The following VPS9D1 variants were observed in gnomAD, a reference collection of about 807,000 sequenced individuals.
VPS9D1 encodes VPS9 domain-containing protein 1.
VPS9D1 carries 78 observed loss-of-function variants against 75.8 expected under a neutral mutation model. That is an observed-to-expected ratio of 1.03 (90% CI 0.86 to 1.24). VPS9D1 has a LOEUF of 1.24. VPS9D1 is among the 50% of genes most tolerant of loss of function. The pLI is 0.00. For synonymous variants in VPS9D1, 481 were observed against 385.6 expected, an observed-to-expected ratio of 1.25 and a Z score of -2.90; for missense variants, 1,057 against 847.7, an observed-to-expected ratio of 1.25 and a Z score of -3.07.
intron 13 of VPS9D1, among the ~76,000 whole-genome samples, 153 bp downstream of exon 13, chr16:89,708,704 C>T (rs1483688572): frequency 6.6e-6 from 1 of 152,236 alleles, no homozygotes; most frequent in Non-Finnish European, 1.5e-5. Flanking sequence ...AGCTCCCGTA[C>T]TGCGGAGCCA....
chr16:89,708,407 C>G lies in VPS9D1; in HGVS notation c.1802+20G>C, dbSNP rs1355641440. 1 of 1,601,548 alleles carries G rather than the reference C, an allele frequency of 6.2e-7. No individual in the cohort carries two copies. The highest frequency in any genetic ancestry group is 1.1e-5 in the South Asian group (1 of 89,208). ...CTGCTCTTCGCACAGAGACCCCCACCCTGACCCGCCAGGGTCTACCCCTCG... is the reference window on the plus strand; with the variant it reads ...CTGCTCTTCGCACAGAGACCCCCACGCTGACCCGCCAGGGTCTACCCCTCG... On this transcript the variant is annotated intron_variant, in intron 14 of 14. Coordinates refer to ENST00000389386, the MANE Select transcript of VPS9D1 (RefSeq NM_004913.3).
At chr16:89,716,658 G>A in intron 3 of VPS9D1, 34 bp from the exon 4 acceptor site, 3 of 1,607,538 alleles carry the variant, frequency 1.9e-6, no homozygotes, top group Non-Finnish European at 8.5e-7. Context: ...GTCAAGCGGT[G>A]GGCCACATCC....
rs529842988 is a variant in VPS9D1 at position 89,709,905 on chromosome 16, G to C, written c.1260C>G (p.Asp420Glu). 39 of 1,607,352 alleles carry C rather than the reference G, an allele frequency of 2.4e-5. No homozygotes were observed. In the South Asian group the frequency reaches 4.1e-4, roughly 17 times the overall value. Reference sequence around the variant, plus strand: ...CCAGAAGGGTCAGCGAGAGCAGCCTGTCTGCTAGGAACAGAGCCGGGGACG... The same window carrying C: ...CCAGAAGGGTCAGCGAGAGCAGCCTCTCTGCTAGGAACAGAGCCGGGGACG... The part of the protein sequence containing the change: ...TAVEEIHNAV[D>E]RLLSLTLLAF... Residue 420 changes from aspartate (D) to glutamate (E), a missense_variant and splice_region_variant, in exon 11 of 15, where the codon GAC becomes GAG. Asp to Glu is a conservative substitution (Grantham distance 45, BLOSUM62 2). Transcript: ENST00000389386.
Position 89,712,597 on chromosome 16 carries a change from C to T in VPS9D1, c.543+8G>A. 6.2e-7 allele frequency: 1 copy of T among 1,609,308 alleles called. No homozygotes were observed. Among genetic ancestry groups the T allele is most frequent in the African/African-American group, 1.3e-5 (1 of 74,958 alleles). On this transcript the variant is annotated splice_region_variant and intron_variant, in intron 5 of 14. Transcript: ENST00000389386. The stretch of plus-strand genomic sequence containing the variant: ...CGCACCCCCAGGCCCTCCCTAGCCC[C>T]CACTCACCAGGGATGTCTTCTGCAT...
In VPS9D1 at chr16:89,707,852, C is replaced by G. The variant is rs1360332140; in HGVS notation, c.*9G>C. On this transcript the variant is annotated 3_prime_UTR_variant, in exon 15 of 15. Coordinates refer to ENST00000389386, the MANE Select transcript of VPS9D1 (RefSeq NM_004913.3). ...CCAGGCCCTGCAGGGACCCTGGGCT[C>G]TAGCTGTACTACTTGGCCAGGCCTC... 1 of 1,612,884 alleles carries G rather than the reference C, an allele frequency of 6.2e-7. No homozygotes were observed. The highest frequency in any genetic ancestry group is 8.5e-7 in the Non-Finnish European group (1 of 1,179,850).
intron 2 of VPS9D1, 146 bp from the exon 3 acceptor site, chr16:89,716,968 A>G: frequency 2.5e-6 from 1 of 394,420 alleles, no homozygotes; most frequent in Non-Finnish European, 3.7e-6. Context: ...CTGCCCCCCC[A>G]TCCCCTCACT....
chr16:89,709,025 G>GGCCCCCCCC, intron 12 of VPS9D1, 69 bp from the exon 13 acceptor site: 2 of 627,186 alleles, frequency 3.2e-6, no homozygotes, highest in Non-Finnish European at 4.0e-6. Flanking sequence ...CTTATACCCC[G>GGCCCCCCCC]CCCACCCACC....
Position 89,710,943 on chromosome 16 carries a change from G to C in VPS9D1, c.901C>G (p.Pro301Ala), listed in dbSNP as rs932412818. 1.4e-6 allele frequency: 2 copies of C among 1,476,076 alleles called. No homozygotes were observed. The highest frequency in any genetic ancestry group is 1.4e-5 in the African/African-American group (1 of 71,190). 91.4% of individuals were successfully genotyped at this position (1,476,076 alleles called of 1,614,324 possible). ...GGCGCGGCTGCTCTGCTCACGGCGG[G>C]ATACAGGGCGCTGTACACGGAGCAC... is the stretch of plus-strand genomic sequence containing the variant. ...LQCSVYSALYPAVSRAAAPAP... is the reference protein window; with the variant it reads ...LQCSVYSALYAAVSRAAAPAP... The change falls in exon 10 of 15, where the codon CCC becomes GCC. Residue 301 changes from proline to alanine, a missense_variant. Transcript: ENST00000389386.
chr16:89,713,263 T>TC (rs2151629744), intron 4 of VPS9D1, among the ~76,000 whole-genome samples: 1 of 150,724 alleles, frequency 6.6e-6, no homozygotes, highest in East Asian at 1.9e-4. Context: ...CTTTTTTTCT[T>TC]TTTTTTTTTG....
At position 89,708,326 on chromosome 16, in the gene VPS9D1, C is replaced by G. The variant is rs187022305; in HGVS notation, c.1802+101G>C. The G allele has an allele frequency of 1.8e-5, 22 of 1,191,474 alleles. No homozygotes were observed. The East Asian group carries it at 4.6e-4, about 25-fold the overall frequency. The allele number at this position is 1,191,474 out of a possible 1,614,324, so 73.8% of individuals were successfully genotyped here. ...AAGGCATGGCTGTGACGGAGCCACA[C>G]GCTACCCTCCCCAGCTGCTACTGAC... On this transcript the variant is annotated intron_variant, in intron 14 of 14. Transcript: ENST00000389386.
rs1204257138 is a variant in VPS9D1, at chr16:89,709,684, G to T, written c.1388+93C>A. On this transcript the variant is annotated intron_variant, in intron 11 of 14. Coordinates refer to ENST00000389386, the MANE Select transcript of VPS9D1 (RefSeq NM_004913.3). ...AAACACGAGTCTTGGGGATGGAGGG[G>T]AGCAGACAGTGCCAGGGAGCAGGGC... The T allele has an allele frequency of 3.8e-6, 6 of 1,581,932 alleles. No homozygotes were observed. The East Asian group carries it at 1.1e-4, about 30-fold the overall frequency.
chr16:89,712,323 C>T (rs1482521152), intron 6 of VPS9D1, 137 bp downstream of exon 6: 3 of 1,395,878 alleles, frequency 2.1e-6, no homozygotes, highest in South Asian at 1.2e-5. Flanking sequence ...GACCCTGCCT[C>T]TGCAAAGCGG....
rs200711381 is a variant in VPS9D1 at position 89,716,569 on chromosome 16, G to A, written c.324C>T (p.Ala108=). 1.2e-5 allele frequency: 20 copies of A among 1,613,952 alleles called. No homozygotes were observed. Among genetic ancestry groups the A allele is most frequent in the African/African-American group, 1.2e-4 (9 of 75,032 alleles). Residue 108 remains alanine, a synonymous_variant, in exon 4 of 15, where the codon GCC becomes GCT. Coordinates refer to ENST00000389386, the MANE Select transcript of VPS9D1 (RefSeq NM_004913.3). ...CGGAGTATACACGGCGGTGTCGGCC[G>A]GCAGGCTGGGGAATGGGAGCAGCTG... ...MPAAAPIPQP[A]GRHRRVYSDE... is the part of the protein sequence containing the mutation.
At chr16:89,711,096 AAG>A in intron 9 of VPS9D1, 86 bp from the exon 10 acceptor site, 2 of 1,354,560 alleles carry the variant, frequency 1.5e-6, no homozygotes, top group South Asian at 3.0e-5. Context: ...GGTTTCAGAG[AAG>A]CGACTTGCAT....
Position 89,716,763 on chromosome 16 carries a change from G to C in VPS9D1, c.235C>G (p.Leu79Val). ...GCGGCCGTCGACTGGGCCCTCTCCA[G>C]ACACTGCTGTGCTAGCTTCAGCATC... ...SKMLKLAQQC[L>V]ERAQSTAAKL... is the part of the protein sequence containing the mutation. The change falls in exon 3 of 15, where the codon CTG (leucine) becomes GTG (valine). Residue 79 changes from leucine (L) to valine (V), a missense_variant. Coordinates refer to ENST00000389386, the MANE Select transcript of VPS9D1 (RefSeq NM_004913.3). 1 of 1,592,732 alleles carries C rather than the reference G, an allele frequency of 6.3e-7. No homozygotes were observed. Among genetic ancestry groups the C allele is most frequent in the Non-Finnish European group, 8.5e-7 (1 of 1,171,988 alleles).
At chr16:89,719,661 C>T (rs561937620) in intron 1 of VPS9D1, among the ~76,000 whole-genome samples, 4 of 152,284 alleles carry the variant, frequency 2.6e-5, no homozygotes, top group African/African-American at 9.6e-5. Context: ...GAACTGTTAC[C>T]TTTCAAGGCT....
At chr16:89,714,843 T>C (rs180891238) in intron 4 of VPS9D1, among the ~76,000 whole-genome samples, 63 of 152,288 alleles carry the variant, frequency 4.1e-4, no homozygotes, top group African/African-American at 1.4e-3. Context: ...CAAGCGATTC[T>C]CCTGCCTCAG....
chr16:89,712,198 C>T (rs1403766230), intron 6 of VPS9D1, 99 bp from the exon 7 acceptor site: 13 of 1,511,060 alleles, frequency 8.6e-6, no homozygotes, highest in Non-Finnish European at 1.2e-5. Flanking sequence ...CCAGGGACCT[C>T]CTCTCGGTGA....
intron 8 of VPS9D1, 90 bp downstream of exon 8, chr16:89,711,792 C>CTG: frequency 7.3e-7 from 1 of 1,371,334 alleles, no homozygotes; most frequent in Non-Finnish European, 9.9e-7. Flanking sequence ...GCCTCTGGCT[C>CTG]CGCCCCCCAC....
Sources: gnomAD v4.1 joint callset for allele counts (sites outside exome capture counted in the v4.1 genomes callset) on GRCh38, gnomAD v4.1.1 for gene constraint, MANE v1.5 for transcripts, NCBI Gene and HGNC (gene_info 2026-07-23, HGNC 2026-07-21) for gene names.